The following DAB2IP variants were observed in gnomAD, a reference collection of about 807,000 sequenced individuals.
The protein encoded by DAB2IP is disabled homolog 2-interacting protein.
DAB2IP carries 28 observed loss-of-function variants against 107.2 expected under a neutral mutation model. The ratio of observed to expected loss-of-function variants is 0.26; its 90% CI spans 0.19 to 0.36. The LOEUF is 0.36. Ranked by LOEUF, DAB2IP falls within the 10% of genes least tolerant of loss-of-function variation. The pLI is 1.00. For missense variants in DAB2IP, 1,400 were observed against 1,644.7 expected (o/e 0.85, Z 2.57); for synonymous variants, 755 against 706.4 (o/e 1.07, Z -1.09).
intron 3 of DAB2IP, among the ~76,000 whole-genome samples, chr9:121,710,962 C>T (rs908262169): frequency 1.3e-5 from 2 of 152,180 alleles, no homozygotes; most frequent in African/African-American, 4.8e-5. Context: ...ATCCAGCCTG[C>T]CTGAGGTGGT....
chr9:121,657,132 G>A (rs902160277), intron 1 of DAB2IP, among the ~76,000 whole-genome samples: 10 of 152,234 alleles, frequency 6.6e-5, no homozygotes, highest in Non-Finnish European at 1.3e-4. Flanking sequence ...GGATCCTGCT[G>A]TCATTCATGA....
intron 8 of DAB2IP, among the ~76,000 whole-genome samples, chr9:121,765,255 T>C (rs2118986441): frequency 6.6e-6 from 1 of 152,358 alleles, no homozygotes; most frequent in East Asian, 1.9e-4. Flanking sequence ...AACATATTTG[T>C]GGACAGTGAT....
In DAB2IP at chr9:121,698,832, C is replaced by A. The variant is rs967969655; in HGVS notation, c.229-493C>A. Among the ~76,000 whole-genome samples, 1 of 152,238 alleles carries A rather than the reference C, an allele frequency of 6.6e-6. No homozygotes were observed. ...CAGCGGAGGAAGGCGCTTTGTCAAT[C>A]CCCGACGGGGTGGGGGGGCGTGGAT... On this transcript the variant is annotated intron_variant, in intron 2 of 15. Transcript: ENST00000408936. The surrounding 1 kb of genome is among the most constrained non-coding windows in gnomAD (Gnocchi z 4.1).
intron 3 of DAB2IP, among the ~76,000 whole-genome samples, chr9:121,705,629 T>C (rs1194611075): frequency 1.3e-5 from 2 of 152,232 alleles, no homozygotes; most frequent in Non-Finnish European, 2.9e-5. Context: ...GTGTGCACTT[T>C]CTGTCTGGGT....
chr9:121,737,598 G>T, intron 3 of DAB2IP: 1 of 985,430 alleles, frequency 1.0e-6, no homozygotes. Context: ...GGCCGGGCCG[G>T]AGGGGCTGCT....
At chr9:121,752,711 GC>G (rs1333804043) in intron 3 of DAB2IP, among the ~76,000 whole-genome samples, 10 of 152,354 alleles carry the variant, frequency 6.6e-5, no homozygotes, top group African/African-American at 2.4e-4. Context: ...CCAGCCAGTG[GC>G]TCAGAGTGCC....
chr9:121,782,880 A>AG lies in DAB2IP; in HGVS notation c.*388dup. On this transcript the variant is annotated 3_prime_UTR_variant, in exon 16 of 16. Coordinates refer to ENST00000408936, the Ensembl canonical transcript of DAB2IP. This position sits in a 1 kb window ranked among gnomAD's most constrained non-coding sequence, Gnocchi z 6.1. ...CTGTGCCAGGGAGGGGGCTTCCTGGAGGGGGGATTCAAGGGCTAGGGGCCT... is the reference window on the plus strand; with the variant it reads ...CTGTGCCAGGGAGGGGGCTTCCTGGAGGGGGGGATTCAAGGGCTAGGGGCCT... The AG allele has an allele frequency of 9.6e-7, 1 of 1,044,706 alleles. No individual in the cohort carries two copies. Among genetic ancestry groups the AG allele is most frequent in the Non-Finnish European group, 1.2e-6 (1 of 867,654 alleles). 64.7% of individuals were successfully genotyped at this position (1,044,706 alleles called of 1,614,324 possible).
rs1292667692 is a variant in DAB2IP at position 121,736,145 on chromosome 9, G to T, written c.363-20868G>T. On this transcript the variant is annotated intron_variant, in intron 3 of 15. Coordinates refer to ENST00000408936, the Ensembl canonical transcript of DAB2IP. The surrounding 1 kb of genome is among the most constrained non-coding windows in gnomAD (Gnocchi z 4.6). Reference sequence around the variant, plus strand: ...TCATGGTAGACAAACCCCTGGCCTTGTCTGGACCTCAGTTGTGTTCACTTG... The same window carrying T: ...TCATGGTAGACAAACCCCTGGCCTTTTCTGGACCTCAGTTGTGTTCACTTG... 6.6e-6 allele frequency among the ~76,000 whole-genome samples: 1 copy of T among 152,248 alleles called. No individual in the cohort carries two copies. Among genetic ancestry groups the T allele is most frequent in the South Asian group, 2.1e-4 (1 of 4,834 alleles).
At chr9:121,676,635 G>A (rs866414849) in intron 1 of DAB2IP, among the ~76,000 whole-genome samples, 10 of 150,430 alleles carry the variant, frequency 6.6e-5, no homozygotes, top group African/African-American at 9.8e-5. Context: ...TTCTGCAGAC[G>A]CACACACACA....
At chr9:121,606,023 A>G (rs1830858666) in intron 1 of DAB2IP, among the ~76,000 whole-genome samples, 1 of 152,118 alleles carries the variant, frequency 6.6e-6, no homozygotes, top group Non-Finnish European at 1.5e-5. Context: ...AGAGGCCAAA[A>G]GGGAAAGAAA....
At chr9:121,570,280 T>C (rs932788277) in intron 1 of DAB2IP, among the ~76,000 whole-genome samples, 3 of 151,386 alleles carry the variant, frequency 2.0e-5, no homozygotes, top group African/African-American at 7.3e-5. Flanking sequence ...GCCCAGCTAA[T>C]TTTTTGTATT....
intron 3 of DAB2IP, among the ~76,000 whole-genome samples, chr9:121,743,333 C>T (rs182014782): frequency 2.0e-5 from 3 of 152,244 alleles, no homozygotes; most frequent in East Asian, 1.9e-4. Context: ...TTGGGACCTT[C>T]GTGGACTTTG....
intron 2 of DAB2IP, among the ~76,000 whole-genome samples, chr9:121,687,672 C>G (rs1359231201): frequency 6.6e-6 from 1 of 152,194 alleles, no homozygotes; most frequent in Non-Finnish European, 1.5e-5. Context: ...AGGCCCTGTG[C>G]TGAGCACTTT....
chr9:121,630,098 G>T (rs543705524), intron 1 of DAB2IP, among the ~76,000 whole-genome samples: 1 of 152,320 alleles, frequency 6.6e-6, no homozygotes, highest in Admixed American at 6.5e-5. Context: ...AGGAATTGCA[G>T]AAATTCTCAT....
chr9:121,687,547 T>C (rs1314174332), intron 2 of DAB2IP, among the ~76,000 whole-genome samples: 1 of 152,074 alleles, frequency 6.6e-6, no homozygotes, highest in Non-Finnish European at 1.5e-5. Context: ...GGCAGGGTGG[T>C]GGTCAGAGCT....
chr9:121,749,645 C>G (rs2118928200), intron 3 of DAB2IP, among the ~76,000 whole-genome samples: 1 of 152,314 alleles, frequency 6.6e-6, no homozygotes, highest in Non-Finnish European at 1.5e-5. Flanking sequence ...GCTAAAGGGG[C>G]CTCCTCACGG....
intron 3 of DAB2IP, chr9:121,751,457 A>T (rs1489887373): frequency 2.0e-5 from 3 of 152,526 alleles, no homozygotes; most frequent in African/African-American, 7.2e-5. Context: ...GTCTGGAGAG[A>T]CCAGGGACCA....
chr9:121,756,996 A>C lies in DAB2IP; in HGVS notation c.363-17A>C. ...CGGGCTGTGGGGGCCCACCTGACAC[A>C]CCTACTGCCACCCCAGGTCCCATCT... On this transcript the variant is annotated splice_polypyrimidine_tract_variant and intron_variant, in intron 3 of 15. Transcript: ENST00000408936. 6.2e-7 allele frequency: 1 copy of C among 1,613,506 alleles called. No individual in the cohort carries two copies. Among genetic ancestry groups the C allele is most frequent in the Non-Finnish European group, 8.5e-7 (1 of 1,179,822 alleles).
chr9:121,715,221 A>T (rs1049652843), intron 3 of DAB2IP, among the ~76,000 whole-genome samples: 7 of 152,130 alleles, frequency 4.6e-5, no homozygotes, highest in Admixed American at 4.6e-4. Flanking sequence ...GTCTTTAGAG[A>T]GAGGGTTATA....
Sources: gnomAD v4.1 joint callset for allele counts (sites outside exome capture counted in the v4.1 genomes callset) on GRCh38, gnomAD v4.1.1 for gene constraint, Gnocchi (gnomAD v3.1) non-coding constraint, MANE v1.5 for transcripts, NCBI Gene and HGNC (gene_info 2026-07-23, HGNC 2026-07-21) for gene names.